The following BCOR variants were observed in gnomAD, a reference collection of about 807,000 sequenced individuals.
The protein encoded by BCOR is BCL-6 corepressor.
BCOR carries 10 observed loss-of-function variants against 86.7 expected under a neutral mutation model. That is an observed-to-expected ratio of 0.12 (90% confidence interval 0.07 to 0.20). The LOEUF is 0.20. BCOR is among the 10% of genes least tolerant of loss of function. The pLI is 1.00. For synonymous variants in BCOR, 611 were observed against 609.0 expected, an observed-to-expected ratio of 1.00 and a Z score of -0.05; for missense variants, 1,259 against 1,452.1, an observed-to-expected ratio of 0.87 and a Z score of 2.16.
chrX:40,169,645 T>A (rs1281103438), intron 1 of BCOR, among the ~76,000 whole-genome samples: 1 of 109,620 alleles, frequency 9.1e-6, no homozygotes, highest in Non-Finnish European at 1.9e-5. Flanking sequence ...GGAGAAATAA[T>A]CTATAGGACA....
At chrX:40,101,715 C>T (rs142850106), upstream of BCOR, among the ~76,000 whole-genome samples, 1,136 of 112,417 alleles carry the variant, frequency 0.01, 29 homozygotes, top group Admixed American at 0.078. Context: ...TTTGGGGGGA[C>T]CCTGGCCTTC....
intron 11 of BCOR, among the ~76,000 whole-genome samples, chrX:40,056,174 C>T (rs1268914986): frequency 4.7e-5 from 5 of 106,379 alleles, no homozygotes; most frequent in Non-Finnish European, 7.7e-5. Context: ...AAAATGAAAA[C>T]ATTTTCAACA....
intron 1 of BCOR, among the ~76,000 whole-genome samples, chrX:40,165,504 G>C (rs1285983571): frequency 8.9e-6 from 1 of 112,139 alleles, no homozygotes; most frequent in African/African-American, 3.2e-5. Flanking sequence ...AAGGGTCTAG[G>C]ACCTGCCCCT....
intron 3 of BCOR, 107 bp downstream of exon 3, chrX:40,076,347 C>A: frequency 1.6e-6 from 1 of 634,701 alleles, no homozygotes; most frequent in Non-Finnish European, 2.5e-6. Context: ...CTCTGAACTG[C>A]CACCCCTCCC....
Position 40,054,628 on chromosome X carries a change from C to T in BCOR, c.4742-295G>A, listed in dbSNP as rs1424122668. Among the ~76,000 whole-genome samples the T allele has an allele frequency of 2.7e-5, 3 of 111,244 alleles. No homozygotes were observed. The East Asian group carries it at 8.4e-4, about 31-fold the overall frequency. On this transcript the variant is annotated intron_variant, in intron 12 of 14. Transcript: ENST00000378444. ...TCAAGGGATTCTCCTGCCTCAGCCT[C>T]CCAAGCTGGGACTAGAGGCGCCCAC...
At chrX:40,144,950 G>A (rs775146806) in intron 1 of BCOR, among the ~76,000 whole-genome samples, 167 of 110,871 alleles carry the variant, frequency 1.5e-3, no homozygotes, top group African/African-American at 5.2e-3. Flanking sequence ...AGCTGCTTTG[G>A]TCTGATTGCT....
intron 1 of BCOR, among the ~76,000 whole-genome samples, chrX:40,128,443 C>T (rs1487257665): frequency 1.8e-5 from 2 of 109,774 alleles, no homozygotes; most frequent in Non-Finnish European, 3.8e-5. Flanking sequence ...CGACTTGGGA[C>T]GCTGAGGCTG....
At chrX:40,077,753 C>T in intron 2 of BCOR, 91 bp downstream of exon 2, 1 of 882,333 alleles carries the variant, frequency 1.1e-6, no homozygotes, top group South Asian at 2.0e-5. Context: ...TCTCCCACCC[C>T]TTTTGGGCCC....
chrX:40,167,306 A>T (rs770849254), intron 1 of BCOR, among the ~76,000 whole-genome samples: 2 of 112,370 alleles, frequency 1.8e-5, no homozygotes, highest in South Asian at 3.7e-4. Flanking sequence ...GTAACTGACA[A>T]CCATGCCGAA....
intron 1 of BCOR, among the ~76,000 whole-genome samples, chrX:40,164,574 A>G (rs1481789104): frequency 9.0e-6 from 1 of 111,506 alleles, no homozygotes; most frequent in Non-Finnish European, 1.9e-5. Context: ...GATCTGGGTA[A>G]AGGACCCTAA....
At chrX:40,104,970 G>C (rs1394976660) in intron 1 of BCOR, among the ~76,000 whole-genome samples, 1 of 110,809 alleles carries the variant, frequency 9.0e-6, no homozygotes, top group Non-Finnish European at 1.9e-5. Context: ...GCGGAGGTGC[G>C]GGCTCCGCGG....
At chrX:40,153,398 G>C (rs1444494013) in intron 1 of BCOR, among the ~76,000 whole-genome samples, 1 of 112,204 alleles carries the variant, frequency 8.9e-6, no homozygotes, top group Non-Finnish European at 1.9e-5. Context: ...GCTCCCATCC[G>C]GGTTCTGCCG....
At chrX:40,067,627 C>T (rs886399609) in intron 6 of BCOR, among the ~76,000 whole-genome samples, 1 of 111,785 alleles carries the variant, frequency 8.9e-6, no homozygotes, top group Non-Finnish European at 1.9e-5. Context: ...TTTCCGCAAA[C>T]GAGATCTTTC....
At chrX:40,116,974 C>T (rs1013632005) in intron 1 of BCOR, among the ~76,000 whole-genome samples, 5 of 111,310 alleles carry the variant, frequency 4.5e-5, no homozygotes, top group African/African-American at 1.6e-4. Flanking sequence ...ATGCCCCCAT[C>T]GGTTCCATGC....
intron 1 of BCOR, among the ~76,000 whole-genome samples, chrX:40,096,340 C>T (rs1306435363): frequency 1.8e-5 from 2 of 111,734 alleles, no homozygotes; most frequent in African/African-American, 6.5e-5. Flanking sequence ...CTACACCCAC[C>T]CCTGGGGGCT....
chrX:40,073,002 C>T lies in BCOR; in HGVS notation c.2344G>A (p.Asp782Asn), dbSNP rs1452619451. The T allele has an allele frequency of 3.3e-6, 4 of 1,210,391 alleles. No homozygotes were observed. Among genetic ancestry groups the T allele is most frequent in the Admixed American group, 4.4e-5 (2 of 45,878 alleles). ...TTGGGGTTCGGCTTTAGGTTCTTGT[C>T]GGTGGGGACATCTGGATGTAACTTG... is the stretch of plus-strand genomic sequence containing the variant. ...STKLHPDVPT[D>N]KNLKPNPNWN... Residue 782 changes from aspartate to asparagine, a missense_variant, in exon 4 of 15, where the codon GAC becomes AAC. Transcript: ENST00000378444.
chrX:40,168,146 G>GCTGCGCTTCCTTCC (rs1165265711), intron 1 of BCOR, among the ~76,000 whole-genome samples: 2 of 113,011 alleles, frequency 1.8e-5, no homozygotes, highest in Admixed American at 1.8e-4. Flanking sequence ...GTCCTTCCTC[G>GCTGCGCTTCCTTCC]CTGCGCTTCC....
chrX:40,158,817 T>C (rs1383480904), intron 1 of BCOR, among the ~76,000 whole-genome samples: 1 of 112,534 alleles, frequency 8.9e-6, no homozygotes, highest in Non-Finnish European at 1.9e-5. Flanking sequence ...CATGCATTTA[T>C]GGAGCGCTTG....
At position 40,051,510 on chromosome X, in the gene BCOR, C is replaced by T. The variant is rs186383377; in HGVS notation, c.*599G>A. 49 of 172,309 alleles carry T rather than the reference C, an allele frequency of 2.8e-4. No individual in the cohort carries two copies. The highest frequency in any genetic ancestry group is 1.8e-3 in the East Asian group (21 of 11,996). The allele number at this position is 172,309 out of a possible 1,213,427, so 14.2% of individuals were successfully genotyped here. A position where few individuals can be genotyped will look rare whatever the true frequency, so the allele number is the denominator to read the frequency against. On this transcript the variant is annotated 3_prime_UTR_variant, in exon 15 of 15. Transcript: ENST00000378444. The stretch of plus-strand genomic sequence containing the variant: ...TAAAATGTTTAAACATATAAACAAT[C>T]CGGTTTGATGCGTGAAAACTAATTT...
Sources: gnomAD v4.1 joint callset for allele counts (sites outside exome capture counted in the v4.1 genomes callset) on GRCh38, gnomAD v4.1.1 for gene constraint, MANE v1.5 for transcripts, NCBI Gene and HGNC (gene_info 2026-07-23, HGNC 2026-07-21) for gene names.